Variants in RGL1 observed in about 807,000 individuals in gnomAD.
RGL1 encodes ral guanine nucleotide dissociation stimulator-like 1.
Under a neutral mutation model 95.2 loss-of-function variants are expected in RGL1, and 24 were observed. The observed-to-expected ratio is 0.25, with a 90% CI of 0.18 to 0.35. The LOEUF (loss-of-function observed/expected upper bound fraction) is 0.35, where lower values mean the gene tolerates loss of function less well. RGL1 is among the 10% of genes least tolerant of loss of function. RGL1 has a pLI of 1.00. For synonymous variants in RGL1, 329 were observed against 344.9 expected, an observed-to-expected ratio of 0.95 and a Z score of 0.51; for missense variants, 715 against 936.3, an observed-to-expected ratio of 0.76 and a Z score of 3.08.
chr1:183,923,390 C>T (rs1290931130), intron 17 of RGL1, among the ~76,000 whole-genome samples: 2 of 152,198 alleles, frequency 1.3e-5, no homozygotes, highest in African/African-American at 4.8e-5. Flanking sequence ...CTCATTCATT[C>T]AGCTGAGCCT....
At chr1:183,637,352 T>C (rs1004274851) in intron 1 of RGL1, among the ~76,000 whole-genome samples, 1 of 152,188 alleles carries the variant, frequency 6.6e-6, no homozygotes, top group Non-Finnish European at 1.5e-5. Flanking sequence ...CTTCCTTCCA[T>C]ATGACAAAAA....
intron 3 of RGL1, among the ~76,000 whole-genome samples, chr1:183,860,463 T>C (rs922691337): frequency 6.6e-6 from 1 of 152,126 alleles, no homozygotes; most frequent in African/African-American, 2.4e-5. Flanking sequence ...CTATTCACGC[T>C]CACTCAGCTC....
intron 9 of RGL1, among the ~76,000 whole-genome samples, chr1:183,894,571 A>T (rs1237145101): frequency 6.6e-6 from 1 of 151,936 alleles, no homozygotes; most frequent in African/African-American, 2.4e-5. Flanking sequence ...TTTTTTTTTT[A>T]AATGGAATCA....
upstream of RGL1, among the ~76,000 whole-genome samples, chr1:183,802,913 T>G (rs904352638): frequency 6.6e-6 from 1 of 152,210 alleles, no homozygotes; most frequent in African/African-American, 2.4e-5. Context: ...TATAAATGGC[T>G]TACTGGTTTG....
chr1:183,866,074 G>C lies in RGL1; in HGVS notation c.425+1G>C. The stretch of plus-strand genomic sequence containing the variant: ...CAGAGTCCAAAATGGTGATCAGGAA[G>C]TGAGTCTCCCTTTTCTTTGCATTCT... On this transcript the variant is annotated splice_donor_variant, in intron 4 of 17. Transcript: ENST00000360851. LOFTEE classifies it high-confidence loss of function. The C allele has an allele frequency of 2.5e-6, 4 of 1,610,042 alleles. No homozygotes were observed. The highest frequency in any genetic ancestry group is 3.4e-6 in the Non-Finnish European group (4 of 1,176,364).
Position 183,673,542 on chromosome 1 carries a change from A to T in RGL1, c.-33+37041A>T, listed in dbSNP as rs57024992. Among the ~76,000 whole-genome samples the T allele has an allele frequency of 7.4e-3, 1,124 of 152,270 alleles. 12 individuals carry two copies. Among genetic ancestry groups the T allele is most frequent in the African/African-American group, 0.026 (1,074 of 41,534 alleles). On this transcript the variant is annotated intron_variant, in intron 1 of 18. Coordinates refer to the RGL1 transcript ENST00000304685. ...GAACTTCTTGATTACCAATATTAACAAATGCCCTCTGTGTGACTTAAATGT... is the reference window on the plus strand; with the variant it reads ...GAACTTCTTGATTACCAATATTAACTAATGCCCTCTGTGTGACTTAAATGT...
chr1:183,705,281 C>T (rs1483361040), intron 1 of RGL1, among the ~76,000 whole-genome samples: 6 of 151,742 alleles, frequency 4.0e-5, no homozygotes, highest in South Asian at 2.1e-4. Context: ...TGTGAGCCCT[C>T]GGGTTTGCGG....
chr1:183,698,607 A>G (rs975014802), intron 1 of RGL1, among the ~76,000 whole-genome samples: 2 of 152,230 alleles, frequency 1.3e-5, no homozygotes, highest in Non-Finnish European at 1.5e-5. Flanking sequence ...TTCTGATCTC[A>G]TTGCCAAAAT....
chr1:183,888,707 A>G, intron 8 of RGL1, 130 bp downstream of exon 8: 1 of 630,058 alleles, frequency 1.6e-6, no homozygotes, highest in South Asian at 2.1e-5. Context: ...TGTTTCAGGC[A>G]GGGTGCATCT....
intron 1 of RGL1, among the ~76,000 whole-genome samples, chr1:183,685,399 A>G (rs1227899578): frequency 2.0e-5 from 3 of 152,234 alleles, no homozygotes; most frequent in African/African-American, 7.2e-5. Context: ...TAGAATGTAA[A>G]AGGTATTTCT....
chr1:183,657,464 C>T (rs1651259460), intron 1 of RGL1, among the ~76,000 whole-genome samples: 2 of 152,082 alleles, frequency 1.3e-5, no homozygotes, highest in Admixed American at 1.3e-4. Flanking sequence ...CAACAGTCCC[C>T]AGTGTGTGAT....
chr1:183,752,692 CTCTCTCTCTCTCTT>C (rs1163826457), intron 2 of RGL1, among the ~76,000 whole-genome samples: 2 of 147,638 alleles, frequency 1.4e-5, no homozygotes, highest in East Asian at 2.0e-4. Context: ...CTCTCTCTCT[CTCTCTCTCTCTCTT>C]TCCCCTTTCC....
intron 2 of RGL1, among the ~76,000 whole-genome samples, chr1:183,831,172 G>C (rs1663233880): frequency 6.6e-6 from 1 of 152,212 alleles, no homozygotes. Flanking sequence ...ACACTGACCA[G>C]AGGGGTGCTC....
At chr1:183,921,147 G>A (rs960969634) in intron 16 of RGL1, among the ~76,000 whole-genome samples, 2 of 152,176 alleles carry the variant, frequency 1.3e-5, no homozygotes, top group Non-Finnish European at 2.9e-5. Flanking sequence ...CCTGCAAATA[G>A]TTGGCTGGCA....
Position 183,890,941 on chromosome 1 carries a change from T to TTGG in RGL1, c.1056-1136_1056-1135insTGG, listed in dbSNP as rs374972308. 6.4e-4 allele frequency among the ~76,000 whole-genome samples: 98 copies of TTGG among 152,286 alleles called. 2 individuals carry two copies. In the East Asian group the frequency reaches 0.019, roughly 29 times the overall value. The stretch of plus-strand genomic sequence containing the variant: ...ATATACTAAAAAGCATTGGACTGTA[T>TTGG]ACTTCAATGATATGTGGATTATATC... On this transcript the variant is annotated intron_variant, in intron 8 of 17. Coordinates refer to ENST00000360851, the MANE Select transcript of RGL1 (RefSeq NM_001297671.3).
intron 2 of RGL1, among the ~76,000 whole-genome samples, chr1:183,795,339 C>T (rs886442666): frequency 2.0e-5 from 3 of 152,194 alleles, no homozygotes; most frequent in African/African-American, 7.2e-5. Context: ...GAGAAACAGA[C>T]ATTTATCAAA....
chr1:183,797,445 T>C (rs1660756478), intron 2 of RGL1, among the ~76,000 whole-genome samples: 1 of 152,244 alleles, frequency 6.6e-6, no homozygotes, highest in South Asian at 2.1e-4. Context: ...TGCTTGTTTC[T>C]TCTGTCTTCA....
Position 183,647,950 on chromosome 1 carries a change from G to T in RGL1, c.-33+11449G>T. On this transcript the variant is annotated intron_variant, in intron 1 of 18. Transcript: ENST00000304685. ...TCTGGAGGTAGGTTGGGTTGGAGTT[G>T]TCCACTCGGCATTTGAAAAAACTGT... 1.9e-6 allele frequency: 3 copies of T among 1,614,190 alleles called. No individual in the cohort carries two copies. The African/African-American group carries it at 4.0e-5, about 22-fold the overall frequency.
intron 1 of RGL1, among the ~76,000 whole-genome samples, chr1:183,725,844 C>A (rs1456463869): frequency 6.6e-6 from 1 of 152,150 alleles, no homozygotes; most frequent in Non-Finnish European, 1.5e-5. Context: ...TGTCACTTAA[C>A]AAATGCAAAA....
Sources: gnomAD v4.1 joint callset for allele counts (sites outside exome capture counted in the v4.1 genomes callset) on GRCh38, gnomAD v4.1.1 for gene constraint, MANE v1.5 for transcripts, NCBI Gene and HGNC (gene_info 2026-07-23, HGNC 2026-07-21) for gene names.